SLC6A8: variants seen among roughly 807,000 people sequenced by gnomAD.
SLC6A8 encodes the protein solute carrier family 6 member 8.
In SLC6A8, 6 loss-of-function variants were observed where a neutral mutation model predicts 48.3. That is an observed-to-expected ratio of 0.12 (90% CI 0.07 to 0.25). The LOEUF (loss-of-function observed/expected upper bound fraction) is 0.25, where lower values mean the gene tolerates loss of function less well. Among genes scored for constraint, SLC6A8 ranks in the 10% least tolerant of loss-of-function variants. SLC6A8 has a pLI of 1.00. For missense variants in SLC6A8, 260 were observed against 551.5 expected, an observed-to-expected ratio of 0.47 and a Z score of 5.29; for synonymous variants, 245 against 244.0, an observed-to-expected ratio of 1.00 and a Z score of -0.04.
At chrX:153,693,642 G>C (rs2091470218) in intron 7 of SLC6A8, 56 bp downstream of exon 7, 1 of 1,144,194 alleles carries the variant, frequency 8.7e-7, no homozygotes, top group African/African-American at 1.8e-5. Context: ...CCAGATGCAT[G>C]ATGTACAGGA....
At position 153,694,586 on chromosome X, in the gene SLC6A8, C is replaced by T; in HGVS notation, c.1549C>T (p.Pro517Ser). ...CTGTATGATCGGGTACCGACCTTGC[C>T]CCTGGATGAAATGGTGCTGGTCCTT... is the stretch of plus-strand genomic sequence containing the variant. ...IACMIGYRPC[P>S]WMKWCWSFFT... The change falls in exon 11 of 13, where the codon CCC (proline) becomes TCC (serine). Residue 517 changes from proline (P) to serine (S), a missense_variant. Physicochemically the swap from Pro to Ser is moderately conservative, Grantham distance 74. This residue lies in a region of SLC6A8 where 87 missense variants were observed against 120.9 expected (regional missense o/e 0.72). Coordinates refer to ENST00000253122, the MANE Select transcript of SLC6A8 (RefSeq NM_005629.4). The T allele has an allele frequency of 8.3e-7, 1 of 1,209,755 alleles. No individual in the cohort carries two copies. Among genetic ancestry groups the T allele is most frequent in the Middle Eastern group, 2.4e-4 (1 of 4,220 alleles).
In SLC6A8 at chrX:153,691,466, G is replaced by A. The variant is rs372601430; in HGVS notation, c.557G>A (p.Arg186His). The change falls in exon 3 of 13, where the codon CGC becomes CAC. Residue 186 changes from arginine (R) to histidine (H), a missense_variant. Around this residue, in one of 7 missense-constraint regions of SLC6A8, gnomAD observed 75 missense variants for 248.8 expected, o/e 0.30. Transcript: ENST00000253122. ...ACTCCCGACTGCGTGGAGATCTTCC[G>A]CCATGAAGACTGTGCCAATGCCAGC... ...WNTPDCVEIF[R>H]HEDCANASLA... 16 of 1,210,642 alleles carry A rather than the reference G, an allele frequency of 1.3e-5. No individual in the cohort carries two copies. Among genetic ancestry groups the A allele is most frequent in the Non-Finnish European group, 1.8e-5 (16 of 894,961 alleles).
Position 153,690,363 on chromosome X carries a change from C to T in SLC6A8, c.263-12C>T. The T allele has an allele frequency of 8.4e-7, 1 of 1,193,565 alleles. No individual in the cohort carries two copies. The highest frequency in any genetic ancestry group is 1.1e-6 in the Non-Finnish European group (1 of 885,629). On this transcript the variant is annotated splice_polypyrimidine_tract_variant and intron_variant, in intron 1 of 12. Coordinates refer to ENST00000253122, the MANE Select transcript of SLC6A8 (RefSeq NM_005629.4). ...GGGCCACCCTGAGTCCACGCTGTGC[C>T]TCCACCCCCAGGTGTGTTCCTTATT...
rs2148363011 is a variant in SLC6A8 at position 153,693,374 on chromosome X, C to T, written c.1016+8C>T. The T allele has an allele frequency of 8.3e-7, 1 of 1,207,376 alleles. No homozygotes were observed. On this transcript the variant is annotated splice_region_variant and intron_variant, in intron 6 of 12. Coordinates refer to ENST00000253122, the MANE Select transcript of SLC6A8 (RefSeq NM_005629.4). Reference sequence around the variant, plus strand: ...CAACAACAACTGCTACAAGTAAGCACCGCCGCCCTGCCACCCGTGCCCTGT... The same window carrying T: ...CAACAACAACTGCTACAAGTAAGCATCGCCGCCCTGCCACCCGTGCCCTGT...
rs1390888706 is a variant in SLC6A8, at chrX:153,689,866, A to G, written c.263-509A>G. Among the ~76,000 whole-genome samples the G allele has an allele frequency of 2.7e-5, 3 of 112,084 alleles. No individual in the cohort carries two copies. In the Admixed American group the frequency reaches 2.8e-4, roughly 10 times the overall value. On this transcript the variant is annotated intron_variant, in intron 1 of 12. Transcript: ENST00000253122. ...TGTCCTTGCACATCGCCATCCCACC[A>G]GCAGGGGACTGTGACCCACCCACCC... is the stretch of plus-strand genomic sequence containing the variant.
At position 153,694,668 on chromosome X, in the gene SLC6A8, C is replaced by T. The variant is rs368049655; in HGVS notation, c.1596+35C>T. ...GGGGGAGGTGGGGCAGGGCGGGGGG[C>T]GAGGCAGGGCGGGGTAGGGGCCCCA... On this transcript the variant is annotated intron_variant, in intron 11 of 12. Transcript: ENST00000253122. 154 of 994,348 alleles carry T rather than the reference C, an allele frequency of 1.5e-4. No homozygotes were observed. The East Asian group carries it at 2.0e-3, about 13-fold the overall frequency. The allele number at this position is 994,348 out of a possible 1,213,427, so 81.9% of individuals were successfully genotyped here.
At chrX:153,690,599 G>T in intron 2 of SLC6A8, 93 bp downstream of exon 2, 1 of 982,608 alleles carries the variant, frequency 1.0e-6, no homozygotes, top group Non-Finnish European at 1.4e-6. Flanking sequence ...ACCAGGCCTG[G>T]GGCCACGTGA....
rs1179367126 is a variant in SLC6A8 at position 153,688,142 on chromosome X, C to A, written c.-433C>A. 1.0e-5 allele frequency: 1 copy of A among 98,889 alleles called. No homozygotes were observed. The highest frequency in any genetic ancestry group is 3.4e-4 in the East Asian group (1 of 2,963). 8.1% of individuals were successfully genotyped at this position (98,889 alleles called of 1,213,427 possible). On this transcript the variant is annotated 5_prime_UTR_variant, in exon 1 of 13. Transcript: ENST00000253122. ...CGGGGCGGGGGGCGCGGGCCACAGG[C>A]CCCTGCTCCGGCCGCCGCTTGCAGA...
rs1557043825 is a variant in SLC6A8 at position 153,688,700 on chromosome X, A to G, written c.126A>G (p.Thr42=). ...AKGDGPVGLG[T]PGGRLAVPPR... ...GCGACGGCCCCGTGGGCCTGGGGAC[A>G]CCCGGCGGCCGCCTGGCCGTGCCGC... Residue 42 remains threonine, a synonymous_variant, in exon 1 of 13, where the codon ACA becomes ACG. Coordinates refer to ENST00000253122, the MANE Select transcript of SLC6A8 (RefSeq NM_005629.4). 1.8e-6 allele frequency: 2 copies of G among 1,120,617 alleles called. No homozygotes were observed. Among genetic ancestry groups the G allele is most frequent in the Non-Finnish European group, 2.4e-6 (2 of 848,523 alleles). 92.4% of individuals were successfully genotyped at this position (1,120,617 alleles called of 1,213,427 possible). A position where few individuals can be genotyped will look rare whatever the true frequency, so the allele number is the denominator to read the frequency against.
At chrX:153,691,761 C>G (rs1162251139) in intron 3 of SLC6A8, among the ~76,000 whole-genome samples, 1 of 112,978 alleles carries the variant, frequency 8.9e-6, no homozygotes, top group Non-Finnish European at 1.9e-5. Flanking sequence ...GTCACTCCCC[C>G]CTGATGGGGG....
intron 2 of SLC6A8, chrX:153,690,747 A>G: frequency 2.5e-6 from 1 of 402,087 alleles, no homozygotes; most frequent in Non-Finnish European, 4.4e-6. Flanking sequence ...TGGGGACGGG[A>G]CCTGCCCAGC....
Position 153,688,684 on chromosome X carries a change from C to T in SLC6A8, c.110C>T (p.Pro37Leu). ...GGGGCCCCGGCCAAGGGCGACGGCC[C>T]CGTGGGCCTGGGGACACCCGGCGGC... ...PDGAPAKGDG[P>L]VGLGTPGGRL... The change falls in exon 1 of 13, where the codon CCC becomes CTC. Residue 37 changes from proline (P) to leucine (L), a missense_variant. By Grantham distance (98) the Pro-to-Leu change is moderately conservative. This residue lies in a region of SLC6A8 where 50 missense variants were observed against 55.1 expected (regional missense o/e 0.91). Coordinates refer to ENST00000253122, the MANE Select transcript of SLC6A8 (RefSeq NM_005629.4). 9.1e-7 allele frequency: 1 copy of T among 1,103,705 alleles called. No homozygotes were observed. The highest frequency in any genetic ancestry group is 1.2e-6 in the Non-Finnish European group (1 of 840,860). The allele number at this position is 1,103,705 out of a possible 1,213,427, so 91.0% of individuals were successfully genotyped here.
intron 4 of SLC6A8, chrX:153,692,765 T>G (rs1557044812): frequency 4.5e-6 from 2 of 446,586 alleles, no homozygotes; most frequent in Admixed American, 5.6e-5. Context: ...GCTCCACGCC[T>G]CCTGTCCCCA....
rs2091475378 is a variant in SLC6A8, at chrX:153,694,336, TC to T, written c.1393-3del. 2 of 1,207,743 alleles carry T rather than the reference TC, an allele frequency of 1.7e-6. No individual in the cohort carries two copies. The highest frequency in any genetic ancestry group is 2.2e-5 in the Admixed American group (1 of 45,774). On this transcript the variant is annotated splice_polypyrimidine_tract_variant and splice_region_variant and intron_variant, in intron 9 of 12. Transcript: ENST00000253122. ...TGCCATCCTCCCTGACTGGGCTCTG[TC>T]CCCCAGGGCGGGATGTACGTCTTCC...
In SLC6A8 at chrX:153,696,581, T is replaced by G. The variant is rs1329971917; in HGVS notation, c.*1367T>G. 1.4e-5 allele frequency: 4 copies of G among 294,521 alleles called. No individual in the cohort carries two copies. Among genetic ancestry groups the G allele is most frequent in the African/African-American group, 8.1e-5 (3 of 36,961 alleles). 24.3% of individuals were successfully genotyped at this position (294,521 alleles called of 1,213,427 possible). On this transcript the variant is annotated 3_prime_UTR_variant, in exon 13 of 13. Coordinates refer to ENST00000253122, the MANE Select transcript of SLC6A8 (RefSeq NM_005629.4). ...AGACATAGCAATAAAAACATGTCAT[T>G]TTCCAAAGCAGGCTCCTGCTTCCGC...
In SLC6A8 at chrX:153,693,046, G is replaced by A. The variant is rs561103166; in HGVS notation, c.783G>A (p.Val261=). The part of the protein sequence containing the change: ...WKGVKSTGKI[V]YFTATFPYVV... ...TGAGCAGCCTGGCCCCCCAGATCGT[G>A]TACTTCACTGCTACATTCCCCTACG... The change falls in exon 5 of 13, where the codon GTG becomes GTA. Residue 261 remains valine, a synonymous_variant. Transcript: ENST00000253122. The A allele has an allele frequency of 8.3e-7, 1 of 1,211,152 alleles. No homozygotes were observed. The highest frequency in any genetic ancestry group is 1.1e-6 in the Non-Finnish European group (1 of 895,369).
chrX:153,696,338 C>T lies in SLC6A8; in HGVS notation c.*1124C>T, dbSNP rs1302683347. On this transcript the variant is annotated 3_prime_UTR_variant, in exon 13 of 13. Transcript: ENST00000253122. ...CACACCCCCAGGAAGGGACCCTGGACACGGCTCCCACGTCCAGGCTTAAGG... is the reference window on the plus strand; with the variant it reads ...CACACCCCCAGGAAGGGACCCTGGATACGGCTCCCACGTCCAGGCTTAAGG... The T allele has an allele frequency of 9.1e-6, 3 of 329,369 alleles. No individual in the cohort carries two copies. The highest frequency in any genetic ancestry group is 5.3e-5 in the African/African-American group (2 of 37,938). 27.1% of individuals were successfully genotyped at this position (329,369 alleles called of 1,213,427 possible).
Position 153,693,192 on chromosome X carries a change from G to C in SLC6A8, c.912+17G>C. 1 of 1,211,345 alleles carries C rather than the reference G, an allele frequency of 8.3e-7. No homozygotes were observed. ...TCCCCTCAGGTGAGGTGGAGGTGGAGAGGCTGCAGCAGGGCGCTGCGGGGG... is the reference window on the plus strand; with the variant it reads ...TCCCCTCAGGTGAGGTGGAGGTGGACAGGCTGCAGCAGGGCGCTGCGGGGG... On this transcript the variant is annotated intron_variant, in intron 5 of 12. Coordinates refer to ENST00000253122, the MANE Select transcript of SLC6A8 (RefSeq NM_005629.4).
chrX:153,696,329 G>T lies in SLC6A8; in HGVS notation c.*1115G>T, dbSNP rs781895441. On this transcript the variant is annotated 3_prime_UTR_variant, in exon 13 of 13. Transcript: ENST00000253122. Reference sequence around the variant, plus strand: ...TGTGCGGGGCACACCCCCAGGAAGGGACCCTGGACACGGCTCCCACGTCCA... The same window carrying T: ...TGTGCGGGGCACACCCCCAGGAAGGTACCCTGGACACGGCTCCCACGTCCA... 60 of 328,919 alleles carry T rather than the reference G, an allele frequency of 1.8e-4. No individual in the cohort carries two copies. Among genetic ancestry groups the T allele is most frequent in the African/African-American group, 1.5e-3 (58 of 38,003 alleles). The allele number at this position is 328,919 out of a possible 1,213,427, so 27.1% of individuals were successfully genotyped here. A position where few individuals can be genotyped will look rare whatever the true frequency, so the allele number is the denominator to read the frequency against.
Sources: allele counts gnomAD v4.1 joint callset (sites outside exome capture counted in the v4.1 genomes callset), GRCh38; gene constraint gnomAD v4.1.1; regional missense constraint gnomAD v4.1.1; transcripts MANE v1.5; gene names NCBI Gene and HGNC (gene_info 2026-07-23, HGNC 2026-07-21).